The following DLG2 variants were observed in gnomAD, a reference collection of about 807,000 sequenced individuals.
DLG2 encodes disks large homolog 2.
In DLG2, 45 loss-of-function variants were observed where a neutral mutation model predicts 132.5. The observed-to-expected ratio is 0.34, with a 90% CI of 0.27 to 0.44. DLG2 has a LOEUF of 0.44. Among genes scored for constraint, DLG2 ranks in the 20% least tolerant of loss-of-function variants. The pLI is 1.00. For missense variants in DLG2, 1,045 were observed against 1,196.9 expected (o/e 0.87, Z 1.87); for synonymous variants, 424 against 419.6 (o/e 1.01, Z -0.13).
chr11:84,716,424 G>C (rs2061232725), intron 6 of DLG2, among the ~76,000 whole-genome samples: 1 of 151,980 alleles, frequency 6.6e-6, no homozygotes, highest in African/African-American at 2.4e-5. Flanking sequence ...AATAAAAGAA[G>C]GGAGACACAC....
chr11:84,750,180 T>C (rs1428302383), intron 6 of DLG2, among the ~76,000 whole-genome samples: 1 of 152,130 alleles, frequency 6.6e-6, no homozygotes, highest in Non-Finnish European at 1.5e-5. Context: ...TTATGTTAAG[T>C]TCTAGGGTAC....
intron 6 of DLG2, among the ~76,000 whole-genome samples, chr11:84,659,328 A>G (rs2099691956): frequency 6.6e-6 from 1 of 152,028 alleles, no homozygotes; most frequent in Non-Finnish European, 1.5e-5. Flanking sequence ...TCTGCCCCTC[A>G]ATTCCCACTA....
chr11:84,559,324 G>C (rs555623582), intron 6 of DLG2, among the ~76,000 whole-genome samples: 4 of 152,094 alleles, frequency 2.6e-5, no homozygotes, highest in African/African-American at 4.8e-5. Context: ...GAAGAGGTAA[G>C]CCAAGGGGAC....
In DLG2 at chr11:84,693,027, G is replaced by A. The variant is rs574956284; in HGVS notation, c.358-158296C>T. ...ACCCAAACTGTTTGACCCACTCTCC[G>A]TGCTCTTCTCCACTATATCAATACC... On this transcript the variant is annotated intron_variant, in intron 6 of 27. Coordinates refer to ENST00000376104, the MANE Select transcript of DLG2 (RefSeq NM_001142699.3). Among the ~76,000 whole-genome samples the A allele has an allele frequency of 5.9e-5, 9 of 151,730 alleles. No individual in the cohort carries two copies. In the South Asian group the frequency reaches 1.7e-3, roughly 28 times the overall value.
chr11:84,859,389 CAT>C (rs1018179673), intron 6 of DLG2, among the ~76,000 whole-genome samples: 36 of 142,196 alleles, frequency 2.5e-4, no homozygotes, highest in East Asian at 4.1e-4. Flanking sequence ...TATATGCATA[CAT>C]ATATATGTAT....
rs530467623 is a variant in DLG2 at position 83,746,520 on chromosome 11, T to C, written c.1825+40170A>G. On this transcript the variant is annotated intron_variant, in intron 18 of 27. Coordinates refer to ENST00000376104, the MANE Select transcript of DLG2 (RefSeq NM_001142699.3). The stretch of plus-strand genomic sequence containing the variant: ...CACGTTCTCACTTATAGGTGGGAAT[T>C]GAACAATGAGAACACATGGACACAG... Among the ~76,000 whole-genome samples the C allele has an allele frequency of 2.2e-3, 332 of 151,712 alleles. 1 individual carries two copies. Among genetic ancestry groups the C allele is most frequent in the African/African-American group, 7.8e-3 (321 of 41,230 alleles).
At chr11:83,717,649 A>G (rs537029141) in intron 18 of DLG2, among the ~76,000 whole-genome samples, 2 of 152,356 alleles carry the variant, frequency 1.3e-5, no homozygotes, top group Non-Finnish European at 2.9e-5. Context: ...ACAGGGGGAA[A>G]AAAGTACAGA....
chr11:84,970,612 C>T (rs893948214), intron 6 of DLG2, among the ~76,000 whole-genome samples: 2 of 152,132 alleles, frequency 1.3e-5, no homozygotes, highest in Admixed American at 6.5e-5. Flanking sequence ...AAACACCCCT[C>T]AAAGCCTCCA....
chr11:84,660,387 C>T (rs1485448412), intron 6 of DLG2, among the ~76,000 whole-genome samples: 1 of 152,170 alleles, frequency 6.6e-6, no homozygotes, highest in Admixed American at 6.5e-5. Flanking sequence ...TACCCTGACA[C>T]TTCATTTGCT....
chr11:84,690,511 C>T (rs2057908259), intron 6 of DLG2, among the ~76,000 whole-genome samples: 1 of 151,512 alleles, frequency 6.6e-6, no homozygotes. Flanking sequence ...TATCCCTTCT[C>T]TCATTGAAAA....
chr11:84,920,142 G>C (rs1457959563), intron 6 of DLG2, among the ~76,000 whole-genome samples: 1 of 152,158 alleles, frequency 6.6e-6, no homozygotes, highest in Non-Finnish European at 1.5e-5. Context: ...AATTTACAAA[G>C]TGTTAGATTG....
intron 11 of DLG2, among the ~76,000 whole-genome samples, chr11:84,000,750 G>A (rs1047467390): frequency 6.6e-6 from 1 of 151,988 alleles, no homozygotes; most frequent in Non-Finnish European, 1.5e-5. Flanking sequence ...ATGATACTAT[G>A]TACAGAAAAA....
At chr11:85,409,802 G>C (rs1230697682) in intron 3 of DLG2, among the ~76,000 whole-genome samples, 1 of 151,710 alleles carries the variant, frequency 6.6e-6, no homozygotes, top group African/African-American at 2.4e-5. Context: ...TTACAAAATG[G>C]GAAGAGAAGT....
At chr11:83,496,902 T>C (rs901134991) in intron 21 of DLG2, among the ~76,000 whole-genome samples, 2 of 152,168 alleles carry the variant, frequency 1.3e-5, no homozygotes, top group African/African-American at 4.8e-5. Flanking sequence ...CAGGAGGTGG[T>C]TTTAGAAACT....
intron 7 of DLG2, among the ~76,000 whole-genome samples, chr11:84,369,599 G>A (rs2098698021): frequency 6.6e-6 from 1 of 152,078 alleles, no homozygotes. Context: ...TTTGTTGAAA[G>A]TTGGCCCCTG....
chr11:85,104,237 T>G (rs114149559), intron 6 of DLG2, among the ~76,000 whole-genome samples: 1 of 151,994 alleles, frequency 6.6e-6, no homozygotes, highest in Admixed American at 6.6e-5. Context: ...TGAAAATACA[T>G]GTCCACACAA....
chr11:83,947,548 G>A (rs751290051), intron 14 of DLG2, among the ~76,000 whole-genome samples: 9 of 152,030 alleles, frequency 5.9e-5, no homozygotes, highest in South Asian at 2.1e-4. Flanking sequence ...TCATCACAGC[G>A]GAAGCCAGTC....
intron 6 of DLG2, among the ~76,000 whole-genome samples, chr11:84,660,956 A>C (rs2099693861): frequency 6.6e-6 from 1 of 152,206 alleles, no homozygotes; most frequent in Admixed American, 6.5e-5. Context: ...GTACATTTTT[A>C]TAAAGAATAC....
intron 7 of DLG2, among the ~76,000 whole-genome samples, chr11:84,499,993 T>C (rs995800000): frequency 6.6e-6 from 1 of 152,128 alleles, no homozygotes. Flanking sequence ...ATGATCTACA[T>C]GTCAAGAATT....
Sources: gnomAD v4.1 joint callset for allele counts (sites outside exome capture counted in the v4.1 genomes callset) on GRCh38, gnomAD v4.1.1 for gene constraint, MANE v1.5 for transcripts, NCBI Gene and HGNC (gene_info 2026-07-23, HGNC 2026-07-21) for gene names.